The following SEMA3A variants were observed in gnomAD, a reference collection of about 807,000 sequenced individuals.
SEMA3A encodes the protein semaphorin-3A.
Under a neutral mutation model 97.9 loss-of-function variants are expected in SEMA3A, and 29 were observed. The observed-to-expected ratio is 0.30, with a 90% CI of 0.22 to 0.40. SEMA3A has a LOEUF of 0.40. SEMA3A is among the 10% of genes least tolerant of loss of function. The pLI is 1.00. For synonymous variants in SEMA3A, 321 were observed against 323.7 expected (o/e 0.99, Z 0.09); for missense variants, 763 against 951.3 (o/e 0.80, Z 2.60).
chr7:84,383,088 T>C (rs1733999), intron 1 of SEMA3A, among the ~76,000 whole-genome samples: 26,886 of 152,070 alleles, frequency 0.18, 2,526 homozygotes, highest in Middle Eastern at 0.22. Context: ...CTCTAAAGTT[T>C]TAGCCTAAGA....
In SEMA3A at chr7:84,013,575, G is replaced by T. The variant is rs1002061320; in HGVS notation, c.810+634C>A. ...TATTTATTCAAAACTTGCAAGGTAGGCCGGGTGCAGTGGTTCACGCCTGTA... is the reference window on the plus strand; with the variant it reads ...TATTTATTCAAAACTTGCAAGGTAGTCCGGGTGCAGTGGTTCACGCCTGTA... On this transcript the variant is annotated intron_variant, in intron 7 of 16. Transcript: ENST00000265362. Among the ~76,000 whole-genome samples, 3 of 149,174 alleles carry T rather than the reference G, an allele frequency of 2.0e-5. No homozygotes were observed. In the East Asian group the frequency reaches 5.8e-4, roughly 29 times the overall value.
At chr7:84,229,452 A>T (rs1259373817) in intron 3 of SEMA3A, among the ~76,000 whole-genome samples, 1 of 152,130 alleles carries the variant, frequency 6.6e-6, no homozygotes, top group African/African-American at 2.4e-5. Context: ...ACCTTGGATT[A>T]TTATTTAACC....
chr7:84,090,120 T>C (rs1004830780), intron 4 of SEMA3A, among the ~76,000 whole-genome samples: 15 of 152,138 alleles, frequency 9.9e-5, no homozygotes, highest in African/African-American at 2.7e-4. Flanking sequence ...CAAAATATTA[T>C]ACAAGATAGT....
chr7:84,066,106 C>T (rs981101901), intron 4 of SEMA3A, among the ~76,000 whole-genome samples: 1 of 151,480 alleles, frequency 6.6e-6, no homozygotes, highest in Non-Finnish European at 1.5e-5. Flanking sequence ...GGATGCAAGG[C>T]TGGTTTAATA....
Position 83,982,802 on chromosome 7 carries a change from G to C in SEMA3A, c.1495-1324C>G, listed in dbSNP as rs952950329. Among the ~76,000 whole-genome samples the C allele has an allele frequency of 3.9e-5, 6 of 152,100 alleles. No individual in the cohort carries two copies. The South Asian group carries it at 1.0e-3, about 26-fold the overall frequency. On this transcript the variant is annotated intron_variant, in intron 13 of 16. Coordinates refer to ENST00000265362, the MANE Select transcript of SEMA3A (RefSeq NM_006080.3). ...TATAAACTGCATGTATAAATAACCAGATAAATTGAATGCAGACTGAAGTAC... is the reference window on the plus strand; with the variant it reads ...TATAAACTGCATGTATAAATAACCACATAAATTGAATGCAGACTGAAGTAC...
At chr7:84,375,509 T>C (rs1474677714) in intron 1 of SEMA3A, among the ~76,000 whole-genome samples, 1 of 152,166 alleles carries the variant, frequency 6.6e-6, no homozygotes. Context: ...TATATGCCAA[T>C]CCAATGTGGT....
At chr7:84,099,951 G>T (rs140336972) in intron 4 of SEMA3A, among the ~76,000 whole-genome samples, 100 of 152,226 alleles carry the variant, frequency 6.6e-4, no homozygotes, top group African/African-American at 2.2e-3. Flanking sequence ...AACTTGCATG[G>T]TTCTTGACTA....
chr7:84,034,155 C>T (rs1204092677), intron 6 of SEMA3A, among the ~76,000 whole-genome samples: 1 of 151,672 alleles, frequency 6.6e-6, no homozygotes, highest in African/African-American at 2.4e-5. Flanking sequence ...GGCTGATTTT[C>T]GTATTTTTAA....
chr7:84,200,568 T>A (rs1439777154), intron 3 of SEMA3A, among the ~76,000 whole-genome samples: 4 of 152,054 alleles, frequency 2.6e-5, no homozygotes, highest in Non-Finnish European at 5.9e-5. Flanking sequence ...GTTATAGAAA[T>A]GATTTATCAC....
chr7:83,999,208 C>T (rs944248072), intron 12 of SEMA3A, among the ~76,000 whole-genome samples: 7 of 152,068 alleles, frequency 4.6e-5, no homozygotes, highest in African/African-American at 9.7e-5. Flanking sequence ...TGACTATACT[C>T]GCAAGATTGT....
chr7:84,219,463 A>G (rs1367493447), intron 3 of SEMA3A, among the ~76,000 whole-genome samples: 2 of 152,202 alleles, frequency 1.3e-5, no homozygotes, highest in African/African-American at 4.8e-5. Context: ...CTCATCATGT[A>G]TAGTCATAAC....
intron 2 of SEMA3A, among the ~76,000 whole-genome samples, chr7:84,359,063 A>G (rs1032449581): frequency 2.6e-5 from 4 of 152,200 alleles, no homozygotes; most frequent in African/African-American, 9.6e-5. Flanking sequence ...TTTTCTACAT[A>G]TACAACCATG....
intron 14 of SEMA3A, 45 bp downstream of exon 14, chr7:83,981,276 A>C: frequency 6.3e-7 from 1 of 1,596,368 alleles, no homozygotes; most frequent in Non-Finnish European, 8.6e-7. Flanking sequence ...GGAATCAGAT[A>C]GGATAACTAG....
chr7:84,154,432 A>G (rs1445287231), intron 1 of SEMA3A, among the ~76,000 whole-genome samples: 1 of 152,052 alleles, frequency 6.6e-6, no homozygotes, highest in Admixed American at 6.5e-5. Flanking sequence ...AATCCCAGCA[A>G]TTTGGAAGGC....
chr7:84,327,919 TG>T (rs1801808334), intron 2 of SEMA3A, among the ~76,000 whole-genome samples: 1 of 152,010 alleles, frequency 6.6e-6, no homozygotes, highest in African/African-American at 2.4e-5. Context: ...CTAGGATTAA[TG>T]GCAACAATAT....
At chr7:84,153,792 G>A (rs1001937468) in intron 1 of SEMA3A, among the ~76,000 whole-genome samples, 1 of 151,924 alleles carries the variant, frequency 6.6e-6, no homozygotes. Context: ...CAAGAAAAGC[G>A]TGTTGATATA....
intron 6 of SEMA3A, among the ~76,000 whole-genome samples, chr7:84,021,549 G>A (rs762267800): frequency 6.6e-6 from 1 of 152,242 alleles, no homozygotes; most frequent in Middle Eastern, 3.4e-3. Context: ...ACGTTGTATG[G>A]TCTATTGCCT....
At chr7:84,206,418 G>T (rs1397081956) in intron 3 of SEMA3A, among the ~76,000 whole-genome samples, 1 of 151,510 alleles carries the variant, frequency 6.6e-6, no homozygotes, top group East Asian at 2.0e-4. Flanking sequence ...CGCCTGCAGG[G>T]TTCATGGCAT....
Position 84,371,891 on chromosome 7 carries a change from T to C in SEMA3A, c.-236A>G, listed in dbSNP as rs1046030165. 3 of 152,220 alleles carry C rather than the reference T, an allele frequency of 2.0e-5. No homozygotes were observed. The East Asian group carries it at 5.8e-4, about 29-fold the overall frequency. 9.4% of individuals were successfully genotyped at this position (152,220 alleles called of 1,614,324 possible). Reference sequence around the variant, plus strand: ...GTTAGACTGTCCCATGGATGGTTTTTTTAAATATTCTGGAAAGCAAAGCAA... The same window carrying C: ...GTTAGACTGTCCCATGGATGGTTTTCTTAAATATTCTGGAAAGCAAAGCAA... On this transcript the variant is annotated 5_prime_UTR_variant, in exon 2 of 4. Transcript: ENST00000424555.
Sources: allele counts gnomAD v4.1 joint callset (sites outside exome capture counted in the v4.1 genomes callset), GRCh38; gene constraint gnomAD v4.1.1; transcripts MANE v1.5; gene names NCBI Gene and HGNC (gene_info 2026-07-23, HGNC 2026-07-21).